Variants in HYKK observed in about 807,000 individuals in gnomAD.
HYKK encodes the protein 5-hydroxy-L-lysine kinase.
In HYKK, 19 loss-of-function variants were observed where a neutral mutation model predicts 29.7. That is an observed-to-expected ratio of 0.64 (90% CI 0.45 to 0.94). The LOEUF is 0.94. Ranked by LOEUF, HYKK falls within the 40% of genes least tolerant of loss-of-function variation. HYKK has a pLI of 0.00. For missense variants in HYKK, 390 were observed against 443.4 expected, an observed-to-expected ratio of 0.88 and a Z score of 1.08; for synonymous variants, 152 against 158.1, an observed-to-expected ratio of 0.96 and a Z score of 0.29.
chr15:78,527,576 C>G lies in HYKK; in HGVS notation c.661+13C>G. On this transcript the variant is annotated intron_variant, in intron 4 of 4. Transcript: ENST00000388988. ...CATTTTCGAGAATGTGAGTATTCTC[C>G]CAATTAAGTATTTTTCTTGATATTT... 3 of 1,609,010 alleles carry G rather than the reference C, an allele frequency of 1.9e-6. No individual in the cohort carries two copies. The highest frequency in any genetic ancestry group is 2.6e-6 in the Non-Finnish European group (3 of 1,175,998).
At chr15:78,508,868 A>G (rs2052041307) in intron 1 of HYKK, among the ~76,000 whole-genome samples, 1 of 74,832 alleles carries the variant, frequency 1.3e-5, no homozygotes, top group Admixed American at 1.9e-4. Context: ...ACATAGTGGG[A>G]CCCTCTCTCT....
intron 2 of HYKK, 60 bp from the exon 3 acceptor site, chr15:78,514,908 C>CTCTCTATATATATATATA (rs766004199): frequency 7.8e-6 from 3 of 385,504 alleles, no homozygotes; most frequent in East Asian, 1.6e-4. Context: ...CTCTCTCTCT[C>CTCTCTATATATATATATA]TATATATATA....
At chr15:78,518,061 G>A (rs1195823140) in intron 3 of HYKK, among the ~76,000 whole-genome samples, 4 of 152,122 alleles carry the variant, frequency 2.6e-5, no homozygotes, top group Non-Finnish European at 5.9e-5. Context: ...AAACTCCTTT[G>A]GTCTCCCCAG....
At position 78,527,522 on chromosome 15, in the gene HYKK, T is replaced by G. The variant is rs1251283478; in HGVS notation, c.620T>G (p.Phe207Cys). 1 of 1,614,018 alleles carries G rather than the reference T, an allele frequency of 6.2e-7. No individual in the cohort carries two copies. The highest frequency in any genetic ancestry group is 8.5e-7 in the Non-Finnish European group (1 of 1,180,020). The part of the protein sequence containing the change: ...REIVEHVIHL[F>C]KEEVMTKLSH... ...ATTGTTGAGCATGTCATTCATCTGT[T>G]CAAGGAGGAAGTAATGACCAAATTA... Residue 207 changes from phenylalanine to cysteine, a missense_variant, in exon 4 of 5, where the codon TTC becomes TGC. Phe to Cys is a radical substitution (Grantham distance 205). Coordinates refer to ENST00000388988, the MANE Select transcript of HYKK (RefSeq NM_001013619.4).
intron 3 of HYKK, among the ~76,000 whole-genome samples, chr15:78,517,666 A>C (rs2141356486): frequency 6.6e-6 from 1 of 152,158 alleles, no homozygotes; most frequent in Admixed American, 6.5e-5. Flanking sequence ...CATGTTTGTT[A>C]TGCTTGTCAT....
intron 1 of HYKK, among the ~76,000 whole-genome samples, chr15:78,511,163 C>A (rs2052070035): frequency 6.6e-6 from 1 of 151,752 alleles, no homozygotes; most frequent in African/African-American, 2.4e-5. Context: ...TCAAAACATA[C>A]CCTAAAATGC....
rs3053647 is a variant in HYKK, at chr15:78,536,298, T to TAC, written c.*2660_*2661dup. On this transcript the variant is annotated 3_prime_UTR_variant, in exon 5 of 5. Transcript: ENST00000388988. ...CCTCTCCCTCCTCTCCTGTCCCTGC[T>TAC]ACACACACACACACACACACACACA... 7,814 of 149,090 alleles carry TAC rather than the reference T, an allele frequency of 0.052. 423 individuals carry two copies. The highest frequency in any genetic ancestry group is 0.14 in the African/African-American group (5,818 of 40,356). The allele number at this position is 149,090 out of a possible 1,614,324, so 9.2% of individuals were successfully genotyped here.
Position 78,515,051 on chromosome 15 carries a change from C to G in HYKK, c.421C>G (p.Pro141Ala). The G allele has an allele frequency of 6.2e-7, 1 of 1,604,030 alleles. No homozygotes were observed. Among genetic ancestry groups the G allele is most frequent in the Non-Finnish European group, 8.5e-7 (1 of 1,174,362 alleles). Residue 141 changes from proline (P) to alanine (A), a missense_variant, in exon 3 of 5, where the codon CCC becomes GCC. By Grantham distance (27) the Pro-to-Ala change is conservative. Transcript: ENST00000388988. Reference sequence around the variant, plus strand: ...ACCCATCGCTGAGCTTCCCGTCAGCCCCCAGCTATTGTATGAAATTGGAAA... The same window carrying G: ...ACCCATCGCTGAGCTTCCCGTCAGCGCCCAGCTATTGTATGAAATTGGAAA... ...GRPIAELPVS[P>A]QLLYEIGKLA...
rs982930350 is a variant in HYKK, at chr15:78,530,695, A to T, written c.662-2515A>T. ...TTTATAGCTGGGGCTACAGGCATGC[A>T]TTACCATGCCCAGCAGATTTTTTTT... is the stretch of plus-strand genomic sequence containing the variant. On this transcript the variant is annotated intron_variant, in intron 4 of 4. Coordinates refer to ENST00000388988, the MANE Select transcript of HYKK (RefSeq NM_001013619.4). 2.0e-5 allele frequency among the ~76,000 whole-genome samples: 3 copies of T among 152,006 alleles called. No individual in the cohort carries two copies. The East Asian group carries it at 5.8e-4, about 29-fold the overall frequency.
At position 78,533,966 on chromosome 15, in the gene HYKK, C is replaced by T. The variant is rs1287242048; in HGVS notation, c.*296C>T. ...GCAGATAATCTCACAAGATCTATTC[C>T]TGCCCTGAGATTAATGACTATTTTA... On this transcript the variant is annotated 3_prime_UTR_variant, in exon 5 of 5. Coordinates refer to ENST00000388988, the MANE Select transcript of HYKK (RefSeq NM_001013619.4). 6.5e-6 allele frequency: 2 copies of T among 306,082 alleles called. No homozygotes were observed. The highest frequency in any genetic ancestry group is 4.4e-5 in the African/African-American group (2 of 45,744). The allele number at this position is 306,082 out of a possible 1,614,324, so 19.0% of individuals were successfully genotyped here.
rs1269327712 is a variant in HYKK, at chr15:78,535,227, G to C, written c.*1557G>C. On this transcript the variant is annotated 3_prime_UTR_variant, in exon 5 of 5. Coordinates refer to ENST00000388988, the MANE Select transcript of HYKK (RefSeq NM_001013619.4). The stretch of plus-strand genomic sequence containing the variant: ...ATATTTCTCTAAATTGTCTTATATG[G>C]TTCATTTTTCACTTCTTTGTCCCTC... The C allele has an allele frequency of 1.3e-5, 2 of 148,730 alleles. No homozygotes were observed. The highest frequency in any genetic ancestry group is 2.0e-4 in the East Asian group (1 of 5,074). 9.2% of individuals were successfully genotyped at this position (148,730 alleles called of 1,614,324 possible).
chr15:78,521,309 T>A (rs1354978542), intron 3 of HYKK, among the ~76,000 whole-genome samples: 2 of 152,042 alleles, frequency 1.3e-5, no homozygotes, highest in Non-Finnish European at 2.9e-5. Flanking sequence ...GGAGATTTCA[T>A]TAATTATAAG....
At chr15:78,531,202 G>A (rs1423923225) in intron 4 of HYKK, among the ~76,000 whole-genome samples, 1 of 152,058 alleles carries the variant, frequency 6.6e-6, no homozygotes, top group Non-Finnish European at 1.5e-5. Context: ...AGCCACATAT[G>A]TCTAGTGGCT....
Position 78,515,033 on chromosome 15 carries a change from G to A in HYKK, c.403G>A (p.Ala135Thr), listed in dbSNP as rs774476762. ...LLTYLPGRPI[A>T]ELPVSPQLLY... ...GACTTACCTCCCAGGAAGACCCATCGCTGAGCTTCCCGTCAGCCCCCAGCT... is the reference window on the plus strand; with the variant it reads ...GACTTACCTCCCAGGAAGACCCATCACTGAGCTTCCCGTCAGCCCCCAGCT... The change falls in exon 3 of 5, where the codon GCT becomes ACT. Residue 135 changes from alanine to threonine, a missense_variant. Ala to Thr is a moderately conservative substitution (Grantham distance 58). Coordinates refer to ENST00000388988, the MANE Select transcript of HYKK (RefSeq NM_001013619.4). 10 of 1,603,242 alleles carry A rather than the reference G, an allele frequency of 6.2e-6. No homozygotes were observed. The highest frequency in any genetic ancestry group is 5.1e-5 in the Admixed American group (3 of 59,356).
In HYKK at chr15:78,520,733, C is replaced by T. The variant is rs916521992; in HGVS notation, c.477+5626C>T. Among the ~76,000 whole-genome samples the T allele has an allele frequency of 7.9e-5, 12 of 152,276 alleles. 1 individual carries two copies. Among genetic ancestry groups the T allele is most frequent in the South Asian group, 4.2e-4 (2 of 4,818 alleles). ...CAAAACCGCCATTGTCATCATGGCC[C>T]GTTCTCAATGAGCTGTTGGGTACAC... On this transcript the variant is annotated intron_variant, in intron 3 of 4. Transcript: ENST00000388988.
chr15:78,527,801 A>G, intron 4 of HYKK: 2 of 1,122,096 alleles, frequency 1.8e-6, no homozygotes, highest in Non-Finnish European at 2.3e-6. Context: ...CACATTACAT[A>G]TGTATGATTT....
intron 4 of HYKK, among the ~76,000 whole-genome samples, chr15:78,529,617 T>C (rs1359615553): frequency 6.6e-6 from 1 of 152,228 alleles, no homozygotes; most frequent in Non-Finnish European, 1.5e-5. Flanking sequence ...ACATCATGGT[T>C]TTAAAATCCA....
intron 3 of HYKK, among the ~76,000 whole-genome samples, chr15:78,515,839 C>T (rs1484570968): frequency 2.6e-5 from 4 of 152,116 alleles, no homozygotes; most frequent in African/African-American, 7.2e-5. Context: ...CCACCCGCCT[C>T]GGCCTCCCAA....
At position 78,514,914 on chromosome 15, in the gene HYKK, A is replaced by C. The variant is rs141436446; in HGVS notation, c.338-54A>C. ...CCTCTCTCTCTCTCTCTCTCTATAT[A>C]TATATATATATATAAATAATTTAGT... On this transcript the variant is annotated intron_variant, in intron 2 of 4. Coordinates refer to ENST00000388988, the MANE Select transcript of HYKK (RefSeq NM_001013619.4). The C allele has an allele frequency of 0.057, 14,357 of 249,982 alleles. 220 individuals are homozygous for C. The highest frequency in any genetic ancestry group is 0.12 in the East Asian group (1,344 of 10,896). The allele number at this position is 249,982 out of a possible 1,614,324, so 15.5% of individuals were successfully genotyped here. A position where few individuals can be genotyped will look rare whatever the true frequency, so the allele number is the denominator to read the frequency against.
Sources: allele counts gnomAD v4.1 joint callset (sites outside exome capture counted in the v4.1 genomes callset), GRCh38; gene constraint gnomAD v4.1.1; transcripts MANE v1.5; gene names NCBI Gene and HGNC (gene_info 2026-07-23, HGNC 2026-07-21).